Variants in RBFOX1 observed in about 807,000 individuals in gnomAD.
RBFOX1 encodes the protein RNA binding protein fox-1 homolog 1.
RBFOX1 carries 8 observed loss-of-function variants against 57.7 expected under a neutral mutation model. That is an observed-to-expected ratio of 0.14 (90% CI 0.08 to 0.25). The LOEUF is 0.25. RBFOX1 is among the 10% of genes least tolerant of loss of function. The pLI, the probability that RBFOX1 is intolerant of heterozygous loss-of-function variation, is 1.00. For missense variants in RBFOX1, 611 were observed against 548.5 expected, an observed-to-expected ratio of 1.11 and a Z score of -1.14; for synonymous variants, 326 against 222.4, an observed-to-expected ratio of 1.47 and a Z score of -4.15.
At chr16:7,012,330 G>T (rs1316363308) in intron 3 of RBFOX1, among the ~76,000 whole-genome samples, 1 of 152,158 alleles carries the variant, frequency 6.6e-6, no homozygotes, top group Admixed American at 6.5e-5. Flanking sequence ...AACTACTAGT[G>T]ACAGACCTGG....
At chr16:7,591,270 T>C (rs1482977369) in intron 7 of RBFOX1, among the ~76,000 whole-genome samples, 2 of 152,120 alleles carry the variant, frequency 1.3e-5, no homozygotes, top group Non-Finnish European at 2.9e-5. Flanking sequence ...AAATGAATCT[T>C]CAGATGCTCA....
At chr16:6,213,900 G>A (rs939412408) in intron 1 of RBFOX1, among the ~76,000 whole-genome samples, 1 of 152,118 alleles carries the variant, frequency 6.6e-6, no homozygotes, top group African/African-American at 2.4e-5. Flanking sequence ...ATTATTGGAT[G>A]CTTAGCAGCA....
At chr16:7,349,117 C>T (rs2097078354) in intron 4 of RBFOX1, among the ~76,000 whole-genome samples, 1 of 152,136 alleles carries the variant, frequency 6.6e-6, no homozygotes, top group Non-Finnish European at 1.5e-5. Context: ...GTGGTTGCTC[C>T]TATGGTTCTC....
intron 3 of RBFOX1, among the ~76,000 whole-genome samples, chr16:6,759,764 A>C (rs62017643): frequency 0.1 from 15,738 of 152,182 alleles, 913 homozygotes; most frequent in East Asian, 0.16. Flanking sequence ...ATTCATGCTA[A>C]AGAAATAATA....
intron 1 of RBFOX1, among the ~76,000 whole-genome samples, chr16:6,283,526 T>C (rs535846609): frequency 1.3e-5 from 2 of 152,270 alleles, no homozygotes; most frequent in South Asian, 4.2e-4. Context: ...CTTCACGTAG[T>C]ATACATAGGT....
At chr16:7,344,163 G>GGTAAAAT (rs2096950825) in intron 4 of RBFOX1, among the ~76,000 whole-genome samples, 1 of 134,344 alleles carries the variant, frequency 7.4e-6, no homozygotes, top group African/African-American at 2.8e-5. Flanking sequence ...TTTTCTCTTC[G>GGTAAAAT]GTAAAATGGC....
intron 3 of RBFOX1, among the ~76,000 whole-genome samples, chr16:6,958,279 A>C (rs1186515133): frequency 2.0e-5 from 3 of 152,186 alleles, no homozygotes; most frequent in Non-Finnish European, 2.9e-5. Context: ...GCTTTGCTTT[A>C]TGAGGCAATT....
At chr16:7,114,124 C>T (rs2065368718) in intron 4 of RBFOX1, among the ~76,000 whole-genome samples, 1 of 152,138 alleles carries the variant, frequency 6.6e-6, no homozygotes, top group Non-Finnish European at 1.5e-5. Context: ...AACCTGAAAC[C>T]TCTTGAGTTT....
intron 3 of RBFOX1, among the ~76,000 whole-genome samples, chr16:6,672,521 AAAAAGAAAAGAAAGAACAGGAGAAAG>A (rs2098772916): frequency 6.6e-6 from 1 of 151,856 alleles, no homozygotes. Context: ...AGATGGGAGA[AAAAAGAAAAGAAAGAACAGGAGAAAG>A]AAAAGAAAAG....
intron 14 of RBFOX1, among the ~76,000 whole-genome samples, chr16:7,692,521 C>A (rs986634048): frequency 1.3e-5 from 2 of 152,082 alleles, no homozygotes; most frequent in Admixed American, 1.3e-4. Context: ...AAACCCAGAG[C>A]CCCTGTACTG....
intron 2 of RBFOX1, among the ~76,000 whole-genome samples, chr16:6,640,515 G>C (rs1016174857): frequency 8.5e-5 from 13 of 152,116 alleles, no homozygotes; most frequent in African/African-American, 3.1e-4. Flanking sequence ...GGCTGAGGCA[G>C]GAGAATAGCG....
chr16:6,649,865 A>C (rs112692694), intron 2 of RBFOX1, among the ~76,000 whole-genome samples: 1 of 152,254 alleles, frequency 6.6e-6, no homozygotes, highest in East Asian at 1.9e-4. Flanking sequence ...GTATTCATCT[A>C]TGTATAGTAT....
At chr16:5,474,623 C>A (rs1233001099) in intron 2 of RBFOX1, among the ~76,000 whole-genome samples, 8 of 151,594 alleles carry the variant, frequency 5.3e-5, no homozygotes, top group Admixed American at 2.0e-4. Flanking sequence ...CATTGCACTC[C>A]AGCCTGGGGG....
intron 2 of RBFOX1, among the ~76,000 whole-genome samples, chr16:5,541,192 A>T (rs890322084): frequency 4.6e-5 from 7 of 152,110 alleles, no homozygotes; most frequent in Non-Finnish European, 1.0e-4. Flanking sequence ...ATTTATGTGT[A>T]TGTTTAAGAT....
At chr16:6,979,392 T>C (rs2088026944) in intron 3 of RBFOX1, among the ~76,000 whole-genome samples, 1 of 151,934 alleles carries the variant, frequency 6.6e-6, no homozygotes, top group Non-Finnish European at 1.5e-5. Context: ...CTTTCCATTG[T>C]GCGATAGACC....
chr16:6,818,633 A>C (rs1464998805), intron 3 of RBFOX1, among the ~76,000 whole-genome samples: 1 of 152,124 alleles, frequency 6.6e-6, no homozygotes, highest in Non-Finnish European at 1.5e-5. Flanking sequence ...ACCTGTGATG[A>C]ATAGCTGCTA....
intron 3 of RBFOX1, among the ~76,000 whole-genome samples, chr16:6,725,497 C>A (rs2154168383): frequency 6.6e-6 from 1 of 152,170 alleles, no homozygotes; most frequent in Non-Finnish European, 1.5e-5. Flanking sequence ...AGGGGATGAA[C>A]CCTCAGTTTT....
At chr16:6,743,799 C>G (rs897150312) in intron 3 of RBFOX1, among the ~76,000 whole-genome samples, 12 of 129,950 alleles carry the variant, frequency 9.2e-5, no homozygotes, top group African/African-American at 3.3e-4. Flanking sequence ...AATAAATGTT[C>G]ATTATTTTTT....
intron 4 of RBFOX1, among the ~76,000 whole-genome samples, chr16:7,472,385 G>T (rs1212676470): frequency 1.3e-5 from 2 of 151,968 alleles, no homozygotes; most frequent in African/African-American, 4.8e-5. Context: ...CCCTCTTGCA[G>T]TGTCACACAC....
Sources: gnomAD v4.1 joint callset for allele counts (sites outside exome capture counted in the v4.1 genomes callset) on GRCh38, gnomAD v4.1.1 for gene constraint, MANE v1.5 for transcripts, NCBI Gene and HGNC (gene_info 2026-07-23, HGNC 2026-07-21) for gene names.